Variants in CACNA2D1 observed in about 807,000 individuals in gnomAD.
CACNA2D1 encodes calcium voltage-gated channel auxiliary subunit alpha2delta 1.
A neutral mutation model predicts 171.5 loss-of-function variants in CACNA2D1; 53 were observed. The observed-to-expected ratio is 0.31, with a 90% CI of 0.25 to 0.39. The LOEUF (loss-of-function observed/expected upper bound fraction) is 0.39. Ranked by LOEUF, CACNA2D1 falls within the 10% of genes least tolerant of loss-of-function variation. CACNA2D1 has a pLI of 1.00. For missense variants in CACNA2D1, 903 were observed against 1,299.8 expected (o/e 0.69, Z 4.69); for synonymous variants, 442 against 443.1 (o/e 1.00, Z 0.03).
At chr7:82,040,466 A>C (rs1803813130) in intron 10 of CACNA2D1, among the ~76,000 whole-genome samples, 1 of 142,650 alleles carries the variant, frequency 7.0e-6, no homozygotes, top group Non-Finnish European at 1.5e-5. Flanking sequence ...AAAAAAAAAA[A>C]AAAAACAGAA....
chr7:82,172,986 A>G (rs1796199882), intron 3 of CACNA2D1, among the ~76,000 whole-genome samples: 1 of 152,046 alleles, frequency 6.6e-6, no homozygotes, highest in African/African-American at 2.4e-5. Context: ...ATGCTGTTTC[A>G]GCAAACAAAA....
At chr7:82,275,934 A>T (rs756825608) in intron 3 of CACNA2D1, among the ~76,000 whole-genome samples, 34 of 152,202 alleles carry the variant, frequency 2.2e-4, no homozygotes, top group Non-Finnish European at 4.1e-4. Flanking sequence ...CATAACGGAC[A>T]TATCATTCCA....
intron 6 of CACNA2D1, among the ~76,000 whole-genome samples, chr7:82,097,399 G>T (rs1812019968): frequency 6.6e-6 from 1 of 152,144 alleles, no homozygotes; most frequent in African/African-American, 2.4e-5. Flanking sequence ...CTGGTGAGGA[G>T]TAATACCATT....
At chr7:82,131,510 T>A (rs2129070512) in intron 5 of CACNA2D1, among the ~76,000 whole-genome samples, 1 of 152,308 alleles carries the variant, frequency 6.6e-6, no homozygotes, top group African/African-American at 2.4e-5. Context: ...TTTATACAAA[T>A]AAACTCGGGT....
At chr7:82,260,324 G>A (rs1563272575) in intron 3 of CACNA2D1, among the ~76,000 whole-genome samples, 1 of 152,072 alleles carries the variant, frequency 6.6e-6, no homozygotes, top group Non-Finnish European at 1.5e-5. Context: ...CATCAACACC[G>A]TTATTGATAA....
intron 5 of CACNA2D1, among the ~76,000 whole-genome samples, chr7:82,132,918 A>G (rs367876987): frequency 5.9e-5 from 9 of 152,212 alleles, no homozygotes; most frequent in African/African-American, 2.2e-4. Flanking sequence ...ATAAATTATC[A>G]TATAGTTCTT....
chr7:82,155,692 G>A (rs924650061), intron 4 of CACNA2D1, among the ~76,000 whole-genome samples: 26 of 152,148 alleles, frequency 1.7e-4, no homozygotes, highest in African/African-American at 6.3e-4. Flanking sequence ...CTCTGCTTCC[G>A]CAAATCTCCC....
At position 81,948,226 on chromosome 7, in the gene CACNA2D1, C is replaced by CA. The variant is rs1364455714; in HGVS notation, c.*2165dup. On this transcript the variant is annotated 3_prime_UTR_variant, in exon 39 of 39. Transcript: ENST00000356860. ...ACTATCATGATTTAAGATAGTCTAG[C>CA]AAAAATTGAACAATAACTTTTAAAT... The CA allele has an allele frequency of 6.6e-6, 1 of 151,746 alleles. No homozygotes were observed. The highest frequency in any genetic ancestry group is 1.5e-5 in the Non-Finnish European group (1 of 67,796). 9.4% of individuals were successfully genotyped at this position (151,746 alleles called of 1,614,324 possible).
intron 3 of CACNA2D1, among the ~76,000 whole-genome samples, chr7:82,220,566 C>T (rs1336640626): frequency 6.6e-6 from 1 of 151,922 alleles, no homozygotes; most frequent in Non-Finnish European, 1.5e-5. Context: ...TTTGAATTTA[C>T]TATTTATAAA....
At chr7:81,986,010 T>C (rs1457861616) in intron 21 of CACNA2D1, among the ~76,000 whole-genome samples, 2 of 152,234 alleles carry the variant, frequency 1.3e-5, no homozygotes. Flanking sequence ...TCAGAATTGT[T>C]AAAGGATTTC....
intron 3 of CACNA2D1, among the ~76,000 whole-genome samples, chr7:82,245,507 C>G (rs926091356): frequency 1.3e-5 from 2 of 152,126 alleles, no homozygotes; most frequent in African/African-American, 4.8e-5. Flanking sequence ...TAACTAAACA[C>G]AGCATATGAT....
intron 1 of CACNA2D1, among the ~76,000 whole-genome samples, chr7:82,359,293 C>T (rs189400485): frequency 3.7e-4 from 56 of 152,156 alleles, no homozygotes; most frequent in Admixed American, 1.7e-3. Flanking sequence ...CAGCCTAATT[C>T]GAGCATGTAT....
chr7:82,000,771 C>CTTTT (rs774565705), intron 18 of CACNA2D1, among the ~76,000 whole-genome samples: 723 of 52,012 alleles, frequency 0.014, 60 homozygotes, highest in Non-Finnish European at 0.02. Context: ...ATTTTTCTTT[C>CTTTT]TTTTTTTTTT....
intron 3 of CACNA2D1, among the ~76,000 whole-genome samples, chr7:82,271,226 T>C (rs1563289347): frequency 6.6e-6 from 1 of 152,058 alleles, no homozygotes. Flanking sequence ...ATTCATCATG[T>C]AGAAAAGAAA....
intron 5 of CACNA2D1, among the ~76,000 whole-genome samples, chr7:82,132,575 C>G (rs1003943094): frequency 8.6e-5 from 13 of 152,014 alleles, no homozygotes; most frequent in African/African-American, 3.1e-4. Flanking sequence ...TAATCTAGAA[C>G]GCAAAAAGAA....
intron 1 of CACNA2D1, among the ~76,000 whole-genome samples, chr7:82,421,800 A>G (rs1238772770): frequency 6.6e-6 from 1 of 152,214 alleles, no homozygotes; most frequent in Non-Finnish European, 1.5e-5. Context: ...GTCAGGGAAG[A>G]TAAAGAGAAA....
At position 82,391,415 on chromosome 7, in the gene CACNA2D1, C is replaced by T. The variant is rs73384007; in HGVS notation, c.96-41766G>A. ...CCCTCTGATTCACCTGACTTTTTGC[C>T]CACTCATCTAAATCAGAAGCTCAGA... On this transcript the variant is annotated intron_variant, in intron 1 of 38. Transcript: ENST00000356860. 3.0e-3 allele frequency among the ~76,000 whole-genome samples: 455 copies of T among 152,146 alleles called. 2 individuals carry two copies. Among genetic ancestry groups the T allele is most frequent in the African/African-American group, 0.011 (437 of 41,490 alleles).
rs560698646 is a variant in CACNA2D1, at chr7:82,099,696, G to T, written c.527-14796C>A. On this transcript the variant is annotated intron_variant, in intron 6 of 38. Coordinates refer to ENST00000356860, the MANE Select transcript of CACNA2D1 (RefSeq NM_000722.4). The stretch of plus-strand genomic sequence containing the variant: ...GATCTCCTGACCTCGTGATCCGCCC[G>T]CCTCGGCCTCCCAAAGTGCTGGGAT... 2.8e-3 allele frequency among the ~76,000 whole-genome samples: 161 copies of T among 58,028 alleles called. 34 individuals are homozygous for T. The highest frequency in any genetic ancestry group is 7.1e-3 in the African/African-American group (144 of 20,210). 38.1% of individuals were successfully genotyped at this position (58,028 alleles called of 152,430 possible).
At chr7:82,053,961 G>A (rs1339210404) in intron 10 of CACNA2D1, among the ~76,000 whole-genome samples, 5 of 152,308 alleles carry the variant, frequency 3.3e-5, no homozygotes, top group African/African-American at 7.2e-5. Flanking sequence ...AGTAAAGTCT[G>A]TATTAACCTG....
Sources: allele counts gnomAD v4.1 joint callset (sites outside exome capture counted in the v4.1 genomes callset), GRCh38; gene constraint gnomAD v4.1.1; transcripts MANE v1.5; gene names NCBI Gene and HGNC (gene_info 2026-07-23, HGNC 2026-07-21).